PCDH11X: variants seen among roughly 807,000 people sequenced by gnomAD.
PCDH11X encodes protocadherin 11 X-linked.
PCDH11X carries 18 observed loss-of-function variants against 53.3 expected under a neutral mutation model. The ratio of observed to expected loss-of-function variants is 0.34; its 90% CI spans 0.23 to 0.50. PCDH11X has a LOEUF of 0.50. Ranked by LOEUF, PCDH11X falls within the 20% of genes least tolerant of loss-of-function variation. The pLI is 0.98. For synonymous variants in PCDH11X, 279 were observed against 393.3 expected, an observed-to-expected ratio of 0.71 and a Z score of 3.44; for missense variants, 570 against 1,032.4, an observed-to-expected ratio of 0.55 and a Z score of 6.14.
intron 6 of PCDH11X, among the ~76,000 whole-genome samples, chrX:92,029,436 C>G (rs1044425085): frequency 8.9e-6 from 1 of 111,991 alleles, no homozygotes; most frequent in African/African-American, 3.2e-5. Context: ...CTCCCTCTTT[C>G]TAGTTAAAAC....
intron 6 of PCDH11X, among the ~76,000 whole-genome samples, chrX:91,882,309 AC>A (rs1939949067): frequency 9.1e-6 from 1 of 109,406 alleles, no homozygotes; most frequent in Non-Finnish European, 1.9e-5. Flanking sequence ...ACCTTTCAAA[AC>A]AAGCAGATAG....
chrX:92,165,151 G>A (rs141296345), intron 6 of PCDH11X, among the ~76,000 whole-genome samples: 1,415 of 110,765 alleles, frequency 0.013, 26 homozygotes, highest in African/African-American at 0.044. Flanking sequence ...TCATTGATTG[G>A]ATACAAATAA....
intron 10 of PCDH11X, among the ~76,000 whole-genome samples, chrX:92,511,273 G>A (rs964027745): frequency 1.8e-5 from 2 of 111,712 alleles, no homozygotes; most frequent in Non-Finnish European, 3.8e-5. Flanking sequence ...AGAGACAGTT[G>A]CATGGATGGT....
chrX:91,990,019 T>A (rs1025700579), intron 6 of PCDH11X, among the ~76,000 whole-genome samples: 1 of 111,134 alleles, frequency 9.0e-6, no homozygotes, highest in Non-Finnish European at 1.9e-5. Flanking sequence ...TTTTTTCAAT[T>A]TCTTTGATTC....
chrX:92,395,347 C>T (rs2071220523), intron 9 of PCDH11X, among the ~76,000 whole-genome samples: 1 of 111,042 alleles, frequency 9.0e-6, no homozygotes, highest in Admixed American at 9.7e-5. Context: ...ACATTGAATA[C>T]GAATTTTTAT....
chrX:91,957,517 G>C (rs1002087686), intron 6 of PCDH11X, among the ~76,000 whole-genome samples: 1 of 109,379 alleles, frequency 9.1e-6, no homozygotes, highest in African/African-American at 3.4e-5. Context: ...CTACTTTACT[G>C]TATGGCTGCT....
At chrX:92,012,367 C>G (rs2525238) in intron 6 of PCDH11X, among the ~76,000 whole-genome samples, 23 of 109,630 alleles carry the variant, frequency 2.1e-4, no homozygotes, top group African/African-American at 7.7e-4. Flanking sequence ...TTATCCCATA[C>G]GTAAAATTAT....
At chrX:92,321,204 T>G (rs1254380905) in intron 8 of PCDH11X, among the ~76,000 whole-genome samples, 3 of 100,260 alleles carry the variant, frequency 3.0e-5, no homozygotes, top group African/African-American at 7.4e-5. Context: ...GTTTTTTTTT[T>G]TTTTTTGAGA....
At chrX:91,835,307 A>C (rs2147616905) in intron 4 of PCDH11X, 154 bp from the exon 5 acceptor site, 1 of 1,180,376 alleles carries the variant, frequency 8.5e-7, no homozygotes, top group South Asian at 1.8e-5. Context: ...TATTTGATTC[A>C]GAACAAATTT....
intron 1 of PCDH11X, among the ~76,000 whole-genome samples, chrX:91,807,118 T>C (rs1352987598): frequency 1.0e-5 from 1 of 96,467 alleles, no homozygotes; most frequent in Non-Finnish European, 2.0e-5. Flanking sequence ...AATGGGAGGA[T>C]GGCTTGAGAA....
chrX:92,077,899 C>T (rs112473287), intron 6 of PCDH11X, among the ~76,000 whole-genome samples: 1 of 109,352 alleles, frequency 9.1e-6, no homozygotes, highest in East Asian at 2.9e-4. Flanking sequence ...ACAAATCTTT[C>T]ATTATAGTAA....
intron 6 of PCDH11X, among the ~76,000 whole-genome samples, chrX:91,974,812 G>T (rs751265107): frequency 2.7e-5 from 3 of 109,509 alleles, no homozygotes; most frequent in South Asian, 8.0e-4. Context: ...GAGTGCAATG[G>T]CCCGATCTCG....
At chrX:92,023,056 C>T (rs1338527915) in intron 6 of PCDH11X, among the ~76,000 whole-genome samples, 2 of 110,066 alleles carry the variant, frequency 1.8e-5, no homozygotes, top group Non-Finnish European at 3.8e-5. Flanking sequence ...ATGCCCACAT[C>T]AGAAAGTTAG....
At chrX:92,043,922 T>G (rs3853033) in intron 6 of PCDH11X, among the ~76,000 whole-genome samples, 20,401 of 109,024 alleles carry the variant, frequency 0.19, 1,772 homozygotes, top group East Asian at 0.4. Flanking sequence ...TCATTTATAA[T>G]CTTGCGAGGC....
chrX:92,074,227 T>C (rs1432118175), intron 6 of PCDH11X, among the ~76,000 whole-genome samples: 1 of 111,738 alleles, frequency 8.9e-6, no homozygotes, highest in Non-Finnish European at 1.9e-5. Context: ...GTAATACTTC[T>C]GTAATGAAAG....
At chrX:91,944,654 G>A (rs890620994) in intron 6 of PCDH11X, among the ~76,000 whole-genome samples, 1 of 109,679 alleles carries the variant, frequency 9.1e-6, no homozygotes, top group African/African-American at 3.3e-5. Context: ...GTTTCTTTTA[G>A]TTGATCCCTT....
chrX:91,892,236 T>C (rs2571703), intron 6 of PCDH11X, among the ~76,000 whole-genome samples: 20,467 of 104,616 alleles, frequency 0.2, 2,035 homozygotes, highest in East Asian at 0.26. Flanking sequence ...TTTGTCCCGT[T>C]GCCATTTCCT....
At chrX:92,326,075 A>G (rs1343471890) in intron 8 of PCDH11X, among the ~76,000 whole-genome samples, 1 of 112,117 alleles carries the variant, frequency 8.9e-6, no homozygotes. Context: ...AACAACAATC[A>G]TTGTATTATG....
rs751750093 is a variant in PCDH11X, at chrX:92,005,910, C to A, written c.3033+126637C>A. Among the ~76,000 whole-genome samples the A allele has an allele frequency of 3.6e-5, 4 of 111,778 alleles. No homozygotes were observed. The South Asian group carries it at 1.1e-3, about 31-fold the overall frequency. On this transcript the variant is annotated intron_variant, in intron 6 of 10. Transcript: ENST00000682573. ...GGTAAAAGTTGTTTTTCCTTCAGCACTTTAAATATGTCATGCCACTCTCCC... is the reference window on the plus strand; with the variant it reads ...GGTAAAAGTTGTTTTTCCTTCAGCAATTTAAATATGTCATGCCACTCTCCC...
Sources: allele counts gnomAD v4.1 joint callset (sites outside exome capture counted in the v4.1 genomes callset), GRCh38; gene constraint gnomAD v4.1.1; transcripts MANE v1.5; gene names NCBI Gene and HGNC (gene_info 2026-07-23, HGNC 2026-07-21).